KRT8: variants seen among roughly 807,000 people sequenced by gnomAD.
The protein encoded by KRT8 is keratin, type II cytoskeletal 8.
KRT8 carries 24 observed loss-of-function variants against 43.0 expected under a neutral mutation model. The ratio of observed to expected loss-of-function variants is 0.56; its 90% confidence interval spans 0.40 to 0.78. KRT8 has a LOEUF of 0.78. Among genes scored for constraint, KRT8 ranks in the 30% least tolerant of loss-of-function variants. KRT8 has a pLI of 0.00. For synonymous variants in KRT8, 214 were observed against 261.2 expected (o/e 0.82, Z 1.74); for missense variants, 492 against 638.4 (o/e 0.77, Z 2.47).
chr12:52,935,024 T>C (rs1218226781), intron 2 of KRT8, among the ~76,000 whole-genome samples: 2 of 149,704 alleles, frequency 1.3e-5, no homozygotes, highest in African/African-American at 2.5e-5. Context: ...GAAGACCCCA[T>C]CTCTACTCAA....
chr12:52,925,957 A>C (rs1490249329), intron 2 of KRT8, among the ~76,000 whole-genome samples: 1 of 151,848 alleles, frequency 6.6e-6, no homozygotes, highest in South Asian at 2.1e-4. Flanking sequence ...CAGTGTTCTC[A>C]TGTTCTCTGT....
rs555218608 is a variant in KRT8 at position 52,935,328 on chromosome 12, G to A, written c.-47+14128C>T. Reference sequence around the variant, plus strand: ...CAGGAGGCATAGGTTGCAATGAGTCGAGATCGTGCCATTGCACTCCAGCCT... The same window carrying A: ...CAGGAGGCATAGGTTGCAATGAGTCAAGATCGTGCCATTGCACTCCAGCCT... On this transcript the variant is annotated intron_variant, in intron 2 of 6. Coordinates refer to the KRT8 transcript ENST00000546826. Among the ~76,000 whole-genome samples the A allele has an allele frequency of 2.4e-4, 32 of 132,370 alleles. No individual in the cohort carries two copies. The East Asian group carries it at 4.7e-3, about 19-fold the overall frequency. 86.8% of individuals were successfully genotyped at this position (132,370 alleles called of 152,430 possible). A position where few individuals can be genotyped will look rare whatever the true frequency, so the allele number is the denominator to read the frequency against.
intron 2 of KRT8, among the ~76,000 whole-genome samples, chr12:52,945,596 G>T (rs775135516): frequency 6.6e-6 from 1 of 152,158 alleles, no homozygotes; most frequent in Non-Finnish European, 1.5e-5. Context: ...CTTTGTGGGA[G>T]AATGTGGAGT....
exon 5 of KRT8, chr12:52,899,976 A>G (rs1259152549): frequency 6.2e-7 from 1 of 1,613,392 alleles, no homozygotes. Context: ...TGACCTCAGC[A>G]ATGATGCTGT....
At chr12:52,939,244 G>T (rs746765545) in intron 2 of KRT8, among the ~76,000 whole-genome samples, 1 of 150,840 alleles carries the variant, frequency 6.6e-6, no homozygotes, top group Non-Finnish European at 1.5e-5. Flanking sequence ...GGTGGTTCAC[G>T]CCTGTACTCC....
At position 52,918,187 on chromosome 12, in the gene KRT8, GAAGAAGAAGAAGAAGAAC is replaced by G. The variant is rs1210419417; in HGVS notation, c.-46-13178_-46-13161del. ...AGAAGAAGAAGAGGAAGAGGAAGAA[GAAGAAGAAGAAGAAGAAC>G]AAGAAGAAGAAGAAGAAGAAGAAGA... On this transcript the variant is annotated intron_variant, in intron 2 of 6. Coordinates refer to the KRT8 transcript ENST00000546826. Among the ~76,000 whole-genome samples, 456 of 117,740 alleles carry G rather than the reference GAAGAAGAAGAAGAAGAAC, an allele frequency of 3.9e-3. 28 individuals carry two copies. Among genetic ancestry groups the G allele is most frequent in the South Asian group, 6.0e-3 (18 of 3,014 alleles). 77.2% of individuals were successfully genotyped at this position (117,740 alleles called of 152,430 possible). A position where few individuals can be genotyped will look rare whatever the true frequency, so the allele number is the denominator to read the frequency against.
chr12:52,901,807 C>T (rs1232439767), intron 2 of KRT8, 57 bp downstream of exon 2: 4 of 1,233,822 alleles, frequency 3.2e-6, no homozygotes, highest in Non-Finnish European at 4.8e-6. Flanking sequence ...CCCAAGGTCC[C>T]AAGGGGTGGA....
intron 2 of KRT8, among the ~76,000 whole-genome samples, chr12:52,927,794 C>A (rs1488215538): frequency 2.6e-5 from 4 of 152,184 alleles, no homozygotes; most frequent in Non-Finnish European, 5.9e-5. Context: ...ACAGGGAGTG[C>A]TCAGCCAGGC....
chr12:52,948,239 CGT>C (rs963527163), intron 2 of KRT8: 17 of 152,300 alleles, frequency 1.1e-4, no homozygotes, highest in African/African-American at 3.9e-4. Context: ...TGTGAGGAAA[CGT>C]GGGCAGGCGA....
At position 52,900,597 on chromosome 12, in the gene KRT8, T is replaced by C. The variant is rs8608; in HGVS notation, c.681A>G (p.Leu227=). ...GCGACCAGGAACATACCTCTTCATA[T>C]AGCTGCCTGAGGAAGTTGATCTCGT... Residue 227 remains leucine (L), a synonymous_variant, in exon 4 of 8, where the codon CTA becomes CTG. Coordinates refer to ENST00000692008, the Ensembl canonical transcript of KRT8. 844,106 of 1,603,098 alleles carry C rather than the reference T, an allele frequency of 0.53. 226,251 individuals are homozygous for C. Among genetic ancestry groups the C allele is most frequent in the South Asian group, 0.7 (63,567 of 90,818 alleles).
In KRT8 at chr12:52,918,197, A is replaced by AAGAAGAAGAAGG. The variant is rs1565725657; in HGVS notation, c.-46-13171_-46-13170insCCTTCTTCTTCT. ...GAGGAAGAGGAAGAAGAAGAAGAAG[A>AAGAAGAAGAAGG]AGAAGAACAAGAAGAAGAAGAAGAA... On this transcript the variant is annotated intron_variant, in intron 2 of 6. Coordinates refer to the KRT8 transcript ENST00000546826. 1.8e-4 allele frequency among the ~76,000 whole-genome samples: 22 copies of AAGAAGAAGAAGG among 123,480 alleles called. 1 individual carries two copies. Among genetic ancestry groups the AAGAAGAAGAAGG allele is most frequent in the Middle Eastern group, 3.8e-3 (1 of 262 alleles). 81.0% of individuals were successfully genotyped at this position (123,480 alleles called of 152,430 possible).
intron 2 of KRT8, among the ~76,000 whole-genome samples, chr12:52,938,136 C>CTATACATATATATATATATATATATA (rs1555189938): frequency 1.1e-4 from 5 of 44,054 alleles, no homozygotes; most frequent in African/African-American, 4.1e-4. Flanking sequence ...CACTAGAAAG[C>CTATACATATATATATATATATATATA]TATATATATA....
chr12:52,913,232 C>A lies in KRT8; in HGVS notation c.-46-8205G>T, dbSNP rs368625001. Among the ~76,000 whole-genome samples the A allele has an allele frequency of 1.6e-4, 24 of 152,310 alleles. No homozygotes were observed. The East Asian group carries it at 2.9e-3, about 18-fold the overall frequency. On this transcript the variant is annotated intron_variant, in intron 2 of 6. Coordinates refer to the KRT8 transcript ENST00000546826. ...GCCAGCCCTGCCCACCCCATCCCCA[C>A]CTGCTGGAGTGGAAGGAAGCAATGA...
chr12:52,917,708 C>CAAAAAAAA (rs535303270), intron 2 of KRT8, among the ~76,000 whole-genome samples: 1 of 29,958 alleles, frequency 3.3e-5, no homozygotes, highest in East Asian at 1.3e-3. Context: ...GACTCTGTCT[C>CAAAAAAAA]AAAAAAAAAA....
chr12:52,930,587 G>T (rs1942067437), intron 2 of KRT8, among the ~76,000 whole-genome samples: 1 of 151,074 alleles, frequency 6.6e-6, no homozygotes, highest in South Asian at 2.1e-4. Context: ...TTGAGACAAA[G>T]TCTTACTCCG....
At chr12:52,935,661 A>G (rs887097608) in intron 2 of KRT8, among the ~76,000 whole-genome samples, 18 of 147,570 alleles carry the variant, frequency 1.2e-4, no homozygotes, top group African/African-American at 4.5e-4. Flanking sequence ...TTTTTTTTTT[A>G]GAGACACATT....
Position 52,926,730 on chromosome 12 carries a change from C to T in KRT8, c.-46-21703G>A, listed in dbSNP as rs141910310. 3.5e-4 allele frequency among the ~76,000 whole-genome samples: 53 copies of T among 152,208 alleles called. No individual in the cohort carries two copies. In the East Asian group the frequency reaches 0.01, roughly 29 times the overall value. The stretch of plus-strand genomic sequence containing the variant: ...CTCACAAGGACCTTGGGAGTTCAGT[C>T]TTCTTATCCTTATTTACAGATGAGG... On this transcript the variant is annotated intron_variant, in intron 2 of 6. Transcript: ENST00000546826.
rs781550561 is a variant in KRT8, at chr12:52,902,078, C to G, written c.325-6G>C. On this transcript the variant is annotated splice_region_variant and splice_polypyrimidine_tract_variant and intron_variant, in intron 1 of 7. Coordinates refer to ENST00000692008, the Ensembl canonical transcript of KRT8. ...TGCTGCTCCAGGAACCGTACCTATA[C>G]GAAGGAGGAGAGAGCAAAAAGGTCT... 1.9e-6 allele frequency: 3 copies of G among 1,592,232 alleles called. No individual in the cohort carries two copies. The highest frequency in any genetic ancestry group is 1.3e-5 in the African/African-American group (1 of 74,818).
intron 5 of KRT8, among the ~76,000 whole-genome samples, 188 bp downstream of exon 5, chr12:52,899,587 G>A (rs1941310189): frequency 6.6e-6 from 1 of 152,074 alleles, no homozygotes; most frequent in Admixed American, 6.6e-5. Flanking sequence ...CCTGGCCCAA[G>A]GGACCTTCCC....
Sources: gnomAD v4.1 joint callset for allele counts (sites outside exome capture counted in the v4.1 genomes callset) on GRCh38, gnomAD v4.1.1 for gene constraint, MANE v1.5 for transcripts, NCBI Gene and HGNC (gene_info 2026-07-23, HGNC 2026-07-21) for gene names.